Variants in TDP1 observed in about 807,000 individuals in gnomAD.
The protein encoded by TDP1 is tyrosyl-DNA phosphodiesterase 1.
TDP1 carries 64 observed loss-of-function variants against 81.5 expected under a neutral mutation model. The observed-to-expected ratio is 0.79, with a 90% CI of 0.64 to 0.97. The LOEUF is 0.97. TDP1 is among the 50% of genes least tolerant of loss of function. TDP1 has a pLI of 0.00. For synonymous variants in TDP1, 256 were observed against 264.3 expected, an observed-to-expected ratio of 0.97 and a Z score of 0.30; for missense variants, 723 against 743.8, an observed-to-expected ratio of 0.97 and a Z score of 0.33.
chr14:90,033,155 A>C lies in TDP1; in HGVS notation c.1694A>C (p.Glu565Ala). Residue 565 changes from glutamate (E) to alanine (A), a missense_variant, in exon 16 of 17, where the codon GAG becomes GCG. Physicochemically the swap from Glu to Ala is moderately radical, Grantham distance 107. Coordinates refer to ENST00000335725, the MANE Select transcript of TDP1 (RefSeq NM_018319.4). ...CAGAAGTTCTTCGCTGGCAGCCAGG[A>C]GCCAATGGCCACCTTTCCTGTGCCA... Reference protein sequence around the residue: ...VKQKFFAGSQEPMATFPVPYD... With the variant: ...VKQKFFAGSQAPMATFPVPYD... 1 of 1,613,726 alleles carries C rather than the reference A, an allele frequency of 6.2e-7. No individual in the cohort carries two copies. Among genetic ancestry groups the C allele is most frequent in the Non-Finnish European group, 8.5e-7 (1 of 1,179,672 alleles).
At chr14:90,037,308 T>C (rs1022203017) in intron 16 of TDP1, among the ~76,000 whole-genome samples, 1 of 152,338 alleles carries the variant, frequency 6.6e-6, no homozygotes, top group Non-Finnish European at 1.5e-5. Flanking sequence ...TCTTATATGC[T>C]ATCTAGAGAG....
chr14:90,030,269 C>T (rs1887135225), intron 15 of TDP1, among the ~76,000 whole-genome samples: 1 of 152,200 alleles, frequency 6.6e-6, no homozygotes, highest in Non-Finnish European at 1.5e-5. Flanking sequence ...GTGCCCTCGC[C>T]CTCCCGGGAT....
At chr14:89,991,531 T>C in intron 12 of TDP1, 1 of 981,710 alleles carries the variant, frequency 1.0e-6, no homozygotes, top group African/African-American at 1.7e-5. Context: ...GTGTTCATAA[T>C]TCTTGCTCTG....
Position 90,032,183 on chromosome 14 carries a change from G to C in TDP1, c.1645-923G>C, listed in dbSNP as rs150715500. On this transcript the variant is annotated intron_variant, in intron 15 of 16. Coordinates refer to ENST00000335725, the MANE Select transcript of TDP1 (RefSeq NM_018319.4). Reference sequence around the variant, plus strand: ...ATGCCAGAGAAAAGTCTAGAACCCAGATTATCTGAAGCCCAGTCAACACGG... The same window carrying C: ...ATGCCAGAGAAAAGTCTAGAACCCACATTATCTGAAGCCCAGTCAACACGG... Among the ~76,000 whole-genome samples, 6 of 152,246 alleles carry C rather than the reference G, an allele frequency of 3.9e-5. No homozygotes were observed. The East Asian group carries it at 1.2e-3, about 29-fold the overall frequency.
At chr14:89,988,639 A>G (rs1201791293) in intron 10 of TDP1, 1 of 980,984 alleles carries the variant, frequency 1.0e-6, no homozygotes, top group African/African-American at 1.8e-5. Context: ...GGGCCTTTTT[A>G]AACCTGTTTT....
intron 10 of TDP1, among the ~76,000 whole-genome samples, chr14:89,986,636 T>C (rs966611816): frequency 7.9e-5 from 12 of 152,264 alleles, no homozygotes; most frequent in Non-Finnish European, 1.6e-4. Context: ...ATTAGGTGCC[T>C]GTTTCCACTG....
chr14:89,993,256 G>A (rs1896372065), intron 13 of TDP1, 120 bp from the exon 14 acceptor site: 1 of 1,279,056 alleles, frequency 7.8e-7, no homozygotes, highest in Non-Finnish European at 1.1e-6. Context: ...AGGTCACAGA[G>A]TCGTGTAGCC....
intron 14 of TDP1, among the ~76,000 whole-genome samples, chr14:90,007,581 C>T (rs1269961828): frequency 6.6e-6 from 1 of 151,980 alleles, no homozygotes; most frequent in Non-Finnish European, 1.5e-5. Flanking sequence ...AGAGCAAGAC[C>T]CTGTCTCGGG....
chr14:89,992,926 C>T (rs1896340887), intron 13 of TDP1: 1 of 984,854 alleles, frequency 1.0e-6, no homozygotes, highest in Admixed American at 6.1e-5. Flanking sequence ...CGCTTTTCAA[C>T]ATTCATTTTT....
At chr14:89,971,071 G>GCCTCCCAA in intron 5 of TDP1, 104 bp from the exon 6 acceptor site, 1 of 924,292 alleles carries the variant, frequency 1.1e-6, no homozygotes, top group South Asian at 1.3e-5. Flanking sequence ...CCTGACCTCA[G>GCCTCCCAA]GTAGTCCACC....
upstream of TDP1, chr14:89,955,748 A>C (rs1266724376): frequency 6.6e-6 from 1 of 152,300 alleles, no homozygotes; most frequent in Non-Finnish European, 1.5e-5. Context: ...CGTTTTAAGA[A>C]GTCTCCAGGA....
chr14:89,966,251 C>G, intron 4 of TDP1, 61 bp downstream of exon 4: 1 of 1,101,744 alleles, frequency 9.1e-7, no homozygotes, highest in Non-Finnish European at 1.4e-6. Flanking sequence ...TTAAACAACT[C>G]CATAAGAAAA....
In TDP1 at chr14:89,967,760, G is replaced by A. The variant is rs35344032; in HGVS notation, c.659+338G>A. ...AGATCTGTGAATGTGCCAACATGCC[G>A]CCAACGTGCCATGCTTTCCGTAGCA... On this transcript the variant is annotated intron_variant, in intron 5 of 16. Transcript: ENST00000335725. Among the ~76,000 whole-genome samples, 774 of 152,250 alleles carry A rather than the reference G, an allele frequency of 5.1e-3. 9 individuals are homozygous for A. Among genetic ancestry groups the A allele is most frequent in the African/African-American group, 0.018 (751 of 41,542 alleles).
chr14:89,957,513 C>G (rs1054340190), intron 2 of TDP1, among the ~76,000 whole-genome samples: 6 of 152,182 alleles, frequency 3.9e-5, no homozygotes, highest in Non-Finnish European at 8.8e-5. Context: ...ACTGGCCACA[C>G]AGGAACTCAA....
rs35038005 is a variant in TDP1 at position 90,041,942 on chromosome 14, A to G, written c.1754-1128A>G. On this transcript the variant is annotated intron_variant, in intron 16 of 16. Coordinates refer to ENST00000335725, the MANE Select transcript of TDP1 (RefSeq NM_018319.4). ...TCACAGATGTTCTCATTTGTGCTCC[A>G]TAGTAATCCCTGCCAGTTGCTAAAG... 3.9e-3 allele frequency among the ~76,000 whole-genome samples: 590 copies of G among 152,354 alleles called. 2 individuals carry two copies. The highest frequency in any genetic ancestry group is 0.014 in the African/African-American group (570 of 41,574).
chr14:90,000,325 G>T (rs1897079962), intron 14 of TDP1, among the ~76,000 whole-genome samples: 1 of 152,122 alleles, frequency 6.6e-6, no homozygotes, highest in South Asian at 2.1e-4. Flanking sequence ...CACAATTCTG[G>T]CTTATCCTCA....
At chr14:89,969,527 T>C (rs1474052318) in intron 5 of TDP1, among the ~76,000 whole-genome samples, 1 of 152,224 alleles carries the variant, frequency 6.6e-6, no homozygotes, top group Non-Finnish European at 1.5e-5. Flanking sequence ...TATTTAATCT[T>C]TTTAATAACA....
intron 14 of TDP1, among the ~76,000 whole-genome samples, chr14:90,006,411 C>T (rs1038814794): frequency 5.3e-5 from 8 of 152,146 alleles, no homozygotes; most frequent in African/African-American, 1.2e-4. Context: ...TAGGATTTCA[C>T]GCTGTCACTC....
chr14:89,964,575 C>CT, intron 3 of TDP1, among the ~76,000 whole-genome samples: 2 of 152,162 alleles, frequency 1.3e-5, no homozygotes, highest in South Asian at 4.2e-4. Context: ...CAGTGTTGTT[C>CT]TTTTTTTATA....
Sources: gnomAD v4.1 joint callset for allele counts (sites outside exome capture counted in the v4.1 genomes callset) on GRCh38, gnomAD v4.1.1 for gene constraint, MANE v1.5 for transcripts, NCBI Gene and HGNC (gene_info 2026-07-23, HGNC 2026-07-21) for gene names.